Variants in NDUFS6 observed in about 807,000 individuals in gnomAD.
NDUFS6 encodes the protein NADH:ubiquinone oxidoreductase subunit S6, also known as NADH dehydrogenase [ubiquinone] iron-sulfur protein 6, mitochondrial.
In NDUFS6, 14 loss-of-function variants were observed where a neutral mutation model predicts 13.2. The observed-to-expected ratio is 1.06, with a 90% confidence interval of 0.70 to 1.66. The LOEUF (loss-of-function observed/expected upper bound fraction) is 1.66. Among genes scored for constraint, NDUFS6 ranks in the 40% most tolerant of loss-of-function variants. The probability of loss-of-function intolerance (pLI) is 0.00; values close to 1 mark genes in which losing one functional copy is unlikely to be tolerated. For missense variants in NDUFS6, 206 were observed against 170.8 expected (o/e 1.21, Z -1.15); for synonymous variants, 95 against 72.3 (o/e 1.31, Z -1.60).
At position 1,802,369 on chromosome 5, in the gene NDUFS6, A is replaced by G; in HGVS notation, c.181A>G (p.Lys61Glu). The G allele has an allele frequency of 3.7e-6, 6 of 1,613,914 alleles. No homozygotes were observed. Among genetic ancestry groups the G allele is most frequent in the Non-Finnish European group, 5.1e-6 (6 of 1,179,842 alleles). The change falls in exon 2 of 4, where the codon AAA becomes GAA. Residue 61 changes from lysine (K) to glutamate (E), a missense_variant. Lys to Glu is a moderately conservative substitution (Grantham distance 56). Coordinates refer to ENST00000274137, the MANE Select transcript of NDUFS6 (RefSeq NM_004553.6). ...YRRIRFVGRQKEVNENFAIDL... is the reference protein window; with the variant it reads ...YRRIRFVGRQEEVNENFAIDL... ...GAGAATTCGGTTTGTAGGTCGTCAG[A>G]AAGAGGTGAGTAAAAAATCTAGTGA...
chr5:1,808,951 T>C (rs1023155587), intron 2 of NDUFS6, among the ~76,000 whole-genome samples: 1 of 152,224 alleles, frequency 6.6e-6, no homozygotes, highest in Non-Finnish European at 1.5e-5. Context: ...ATGAATGGGG[T>C]CGGTATTCTA....
In NDUFS6 at chr5:1,814,686, T is replaced by C. The variant is rs192587385; in HGVS notation, c.309+225T>C. Reference sequence around the variant, plus strand: ...TTCAACTGTGAAGTGGTGGGCGGCATGTTTCTCTTCTCGGACGCCCAAGCG... The same window carrying C: ...TTCAACTGTGAAGTGGTGGGCGGCACGTTTCTCTTCTCGGACGCCCAAGCG... On this transcript the variant is annotated intron_variant, in intron 3 of 3. Transcript: ENST00000274137. This position sits in a 1 kb window ranked among gnomAD's most constrained non-coding sequence, Gnocchi z 4.9. The C allele has an allele frequency of 3.6e-3, 2,712 of 746,898 alleles. 14 individuals carry two copies. The highest frequency in any genetic ancestry group is 6.8e-3 in the South Asian group (467 of 68,490). The allele number at this position is 746,898 out of a possible 1,614,324, so 46.3% of individuals were successfully genotyped here.
chr5:1,801,440 G>T lies in NDUFS6; in HGVS notation c.23G>T (p.Cys8Phe). Residue 8 changes from cysteine (C) to phenylalanine (F), a missense_variant, in exon 1 of 4, where the codon TGC (cysteine) becomes TTC (phenylalanine). Physicochemically the swap from Cys to Phe is radical, Grantham distance 205 (BLOSUM62 -2). Coordinates refer to ENST00000274137, the MANE Select transcript of NDUFS6 (RefSeq NM_004553.6). Reference protein sequence around the residue: MAAAMTFCRLLNRCGEAA... With the variant: MAAAMTFFRLLNRCGEAA... ...AAAATGGCGGCGGCGATGACCTTCT[G>T]CCGGCTGCTGAACCGGTGTGGCGAG... is the stretch of plus-strand genomic sequence containing the variant. 1.2e-6 allele frequency: 2 copies of T among 1,605,144 alleles called. No homozygotes were observed. Among genetic ancestry groups the T allele is most frequent in the Non-Finnish European group, 1.7e-6 (2 of 1,178,554 alleles).
chr5:1,803,068 C>T (rs1473350871), intron 2 of NDUFS6, among the ~76,000 whole-genome samples: 2 of 152,072 alleles, frequency 1.3e-5, no homozygotes, highest in East Asian at 3.9e-4. Flanking sequence ...ATTCTTTTTC[C>T]CACTTTGGTT....
In NDUFS6 at chr5:1,814,637, G is replaced by A. The variant is rs1435846367; in HGVS notation, c.309+176G>A. On this transcript the variant is annotated intron_variant, in intron 3 of 3. Coordinates refer to ENST00000274137, the MANE Select transcript of NDUFS6 (RefSeq NM_004553.6). The surrounding 1 kb of genome is among the most constrained non-coding windows in gnomAD (Gnocchi z 4.9). ...AGCGCCACACTACAGGGCCTACATAGAGCCGCCTGTCCGAAAACCCCCTTT... is the reference window on the plus strand; with the variant it reads ...AGCGCCACACTACAGGGCCTACATAAAGCCGCCTGTCCGAAAACCCCCTTT... 1.0e-6 allele frequency: 1 copy of A among 986,854 alleles called. No homozygotes were observed. The highest frequency in any genetic ancestry group is 1.6e-6 in the Non-Finnish European group (1 of 644,398). 61.1% of individuals were successfully genotyped at this position (986,854 alleles called of 1,614,324 possible).
At chr5:1,815,059 T>A (rs1031948486) in intron 3 of NDUFS6, among the ~76,000 whole-genome samples, 7 of 152,112 alleles carry the variant, frequency 4.6e-5, no homozygotes, top group African/African-American at 1.7e-4. Flanking sequence ...CATCGGGGGT[T>A]AGGACTTTGG....
intron 1 of NDUFS6, chr5:1,802,093 C>T (rs983576773): frequency 3.7e-6 from 2 of 540,550 alleles, no homozygotes; most frequent in Non-Finnish European, 3.3e-6. Flanking sequence ...TCCACCTTCC[C>T]GGGCTATGTC....
At chr5:1,803,015 T>G (rs1368322712) in intron 2 of NDUFS6, among the ~76,000 whole-genome samples, 1 of 152,178 alleles carries the variant, frequency 6.6e-6, no homozygotes, top group Non-Finnish European at 1.5e-5. Flanking sequence ...TGAATTTGCT[T>G]CCTGAAGGAT....
intron 2 of NDUFS6, among the ~76,000 whole-genome samples, chr5:1,807,131 C>T (rs112398009): frequency 0.012 from 1,552 of 124,816 alleles, 28 homozygotes; most frequent in African/African-American, 0.065. Context: ...AGAGGTACTG[C>T]GTGAGGTACT....
At position 1,814,274 on chromosome 5, in the gene NDUFS6, G is replaced by A. The variant is rs537678832; in HGVS notation, c.187-65G>A. 7.2e-5 allele frequency: 111 copies of A among 1,532,436 alleles called. 1 individual carries two copies. In the African/African-American group the frequency reaches 1.6e-3, roughly 22 times the overall value. 94.9% of individuals were successfully genotyped at this position (1,532,436 alleles called of 1,614,324 possible). On this transcript the variant is annotated intron_variant, in intron 2 of 3. Transcript: ENST00000274137. The surrounding 1 kb of genome is among the most constrained non-coding windows in gnomAD (Gnocchi z 4.9). Reference sequence around the variant, plus strand: ...ATGGTACATGAATTTGTGTGTGGTGGGTTAAATTGTATGTAGTTAGCAAGT... The same window carrying A: ...ATGGTACATGAATTTGTGTGTGGTGAGTTAAATTGTATGTAGTTAGCAAGT...
chr5:1,809,563 G>A (rs558570132), intron 2 of NDUFS6, among the ~76,000 whole-genome samples: 5 of 152,258 alleles, frequency 3.3e-5, no homozygotes, highest in Non-Finnish European at 5.9e-5. Context: ...CTTGAGCTGC[G>A]CACACTAAAT....
chr5:1,815,149 GA>G (rs980740477), intron 3 of NDUFS6, among the ~76,000 whole-genome samples: 12 of 151,792 alleles, frequency 7.9e-5, no homozygotes, highest in African/African-American at 2.9e-4. Context: ...GGACCATTGA[GA>G]AAAAAAAGAA....
At chr5:1,808,861 C>T (rs1441553164) in intron 2 of NDUFS6, among the ~76,000 whole-genome samples, 3 of 152,168 alleles carry the variant, frequency 2.0e-5, no homozygotes, top group African/African-American at 4.8e-5. Context: ...TAATTATTGG[C>T]ATTCATGTTC....
intron 2 of NDUFS6, among the ~76,000 whole-genome samples, chr5:1,807,205 CTG>C (rs1734140965): frequency 7.6e-5 from 1 of 13,136 alleles, no homozygotes; most frequent in Non-Finnish European, 1.7e-4. Context: ...TGTGTGAACA[CTG>C]TGTGATTCCT....
chr5:1,803,836 GGTA>G (rs1734085516), intron 2 of NDUFS6, among the ~76,000 whole-genome samples: 1 of 152,224 alleles, frequency 6.6e-6, no homozygotes, highest in African/African-American at 2.4e-5. Context: ...ATTCTTGTTA[GGTA>G]TATGAACTTG....
At chr5:1,815,002 G>GTT (rs1188228194) in intron 3 of NDUFS6, among the ~76,000 whole-genome samples, 2 of 152,138 alleles carry the variant, frequency 1.3e-5, no homozygotes, top group Non-Finnish European at 2.9e-5. Context: ...TGTGACCTCA[G>GTT]TTTACCTTCA....
intron 2 of NDUFS6, among the ~76,000 whole-genome samples, chr5:1,807,005 A>G (rs1734133587): frequency 6.6e-6 from 1 of 152,104 alleles, no homozygotes; most frequent in Admixed American, 6.5e-5. Flanking sequence ...CAACACGGAT[A>G]AGCCTGGAGG....
At chr5:1,802,259 T>G in intron 1 of NDUFS6, 62 bp from the exon 2 acceptor site, 18 of 1,422,530 alleles carry the variant, frequency 1.3e-5, no homozygotes, top group Non-Finnish European at 1.8e-5. Flanking sequence ...TTATGATTGA[T>G]ATGAAGTGAC....
chr5:1,804,823 C>T (rs1734099017), intron 2 of NDUFS6, among the ~76,000 whole-genome samples: 1 of 152,190 alleles, frequency 6.6e-6, no homozygotes. Context: ...GATACTCATA[C>T]ATTATTACTA....
Sources: allele counts gnomAD v4.1 joint callset (sites outside exome capture counted in the v4.1 genomes callset), GRCh38; gene constraint gnomAD v4.1.1; non-coding constraint Gnocchi (gnomAD v3.1); transcripts MANE v1.5; gene names NCBI Gene and HGNC (gene_info 2026-07-23, HGNC 2026-07-21).